The following FBXO38 variants were observed in gnomAD, a reference collection of about 807,000 sequenced individuals.
The protein encoded by FBXO38 is F-box protein 38.
FBXO38 carries 53 observed loss-of-function variants against 131.9 expected under a neutral mutation model. The ratio of observed to expected loss-of-function variants is 0.40; its 90% CI spans 0.32 to 0.51. The LOEUF (loss-of-function observed/expected upper bound fraction) is 0.51, where lower values mean the gene tolerates loss of function less well. Among genes scored for constraint, FBXO38 ranks in the 20% least tolerant of loss-of-function variants. FBXO38 has a pLI of 0.53. For missense variants in FBXO38, 1,076 were observed against 1,475.6 expected (o/e 0.73, Z 4.44); for synonymous variants, 452 against 505.6 (o/e 0.89, Z 1.42).
intron 1 of FBXO38, among the ~76,000 whole-genome samples, chr5:148,392,579 CTTTG>C (rs1381810938): frequency 3.7e-5 from 4 of 107,426 alleles, no homozygotes; most frequent in Non-Finnish European, 6.9e-5. Flanking sequence ...TTTTGCTTTT[CTTTG>C]TGTGTGTGTG....
intron 12 of FBXO38, among the ~76,000 whole-genome samples, chr5:148,418,506 CT>C (rs960206208): frequency 1.3e-5 from 2 of 152,154 alleles, no homozygotes; most frequent in African/African-American, 4.8e-5. Flanking sequence ...TAGGTAAAAT[CT>C]TTCCCCAACC....
At chr5:148,392,323 G>A (rs533611247) in intron 1 of FBXO38, among the ~76,000 whole-genome samples, 1 of 152,184 alleles carries the variant, frequency 6.6e-6, no homozygotes, top group African/African-American at 2.4e-5. Context: ...ATATATTTAG[G>A]ATGATTTCAA....
At chr5:148,415,814 G>A in intron 10 of FBXO38, 114 bp from the exon 11 acceptor site, 1 of 1,117,170 alleles carries the variant, frequency 9.0e-7, no homozygotes, top group Non-Finnish European at 1.3e-6. Flanking sequence ...TGAAAAAAAG[G>A]AAAAGTTATT....
At chr5:148,393,188 G>GGTGTGTGTGTGTGTGTGTGTGTGT (rs60593654) in intron 1 of FBXO38, among the ~76,000 whole-genome samples, 6 of 127,036 alleles carry the variant, frequency 4.7e-5, no homozygotes, top group Admixed American at 1.6e-4. Flanking sequence ...ACAGAAGAGG[G>GGTGTGTGTGTGTGTGTGTGTGTGT]GTGTGTGTGT....
At chr5:148,416,406 G>T (rs1346330416) in intron 11 of FBXO38, among the ~76,000 whole-genome samples, 1 of 152,060 alleles carries the variant, frequency 6.6e-6, no homozygotes, top group Non-Finnish European at 1.5e-5. Flanking sequence ...AATATAATTA[G>T]GTTGGTAGAT....
rs372057615 is a variant in FBXO38 at position 148,440,544 on chromosome 5, G to A, written c.3274+17G>A. 2.0e-6 allele frequency: 3 copies of A among 1,481,390 alleles called. No homozygotes were observed. The highest frequency in any genetic ancestry group is 1.4e-5 in the African/African-American group (1 of 71,738). 91.8% of individuals were successfully genotyped at this position (1,481,390 alleles called of 1,614,324 possible). On this transcript the variant is annotated intron_variant, in intron 20 of 21. Coordinates refer to ENST00000340253, the MANE Select transcript of FBXO38 (RefSeq NM_205836.3). ...CTTTAGAAGGTGAGTATTTACAAATGTTTAGAAAGTTAAATAGCCTGTGCA... is the reference window on the plus strand; with the variant it reads ...CTTTAGAAGGTGAGTATTTACAAATATTTAGAAAGTTAAATAGCCTGTGCA...
chr5:148,413,076 G>A (rs1391365883), intron 9 of FBXO38, among the ~76,000 whole-genome samples: 1 of 152,068 alleles, frequency 6.6e-6, no homozygotes, highest in Non-Finnish European at 1.5e-5. Context: ...AAGGAAAATG[G>A]TAAGTTTCAT....
chr5:148,437,584 A>G (rs1367568789), intron 17 of FBXO38, among the ~76,000 whole-genome samples: 1 of 152,152 alleles, frequency 6.6e-6, no homozygotes, highest in Non-Finnish European at 1.5e-5. Flanking sequence ...GATCTCTCTC[A>G]AGTTGGACCT....
At chr5:148,441,423 G>A (rs1417002777) in intron 21 of FBXO38, 186 bp downstream of exon 21, 1 of 518,160 alleles carries the variant, frequency 1.9e-6, no homozygotes, top group Non-Finnish European at 3.3e-6. Flanking sequence ...GACTTACTAG[G>A]GATATATAAA....
intron 9 of FBXO38, among the ~76,000 whole-genome samples, chr5:148,412,571 A>T (rs1260850426): frequency 3.3e-5 from 5 of 152,136 alleles, no homozygotes; most frequent in Admixed American, 2.0e-4. Flanking sequence ...TATAATACTG[A>T]TAGAGACGTA....
intron 17 of FBXO38, among the ~76,000 whole-genome samples, chr5:148,435,984 C>T (rs1754326604): frequency 6.6e-6 from 1 of 152,162 alleles, no homozygotes; most frequent in Non-Finnish European, 1.5e-5. Context: ...TATATTGGTG[C>T]AGTTTGTGGC....
intron 9 of FBXO38, chr5:148,413,121 A>G (rs2113572704): frequency 6.6e-6 from 1 of 152,324 alleles, no homozygotes; most frequent in South Asian, 2.1e-4. Flanking sequence ...GATCCTTACC[A>G]GGAGCTAAAG....
chr5:148,441,275 A>C, intron 21 of FBXO38, 38 bp downstream of exon 21: 2 of 1,411,634 alleles, frequency 1.4e-6, no homozygotes, highest in Non-Finnish European at 2.0e-6. Flanking sequence ...TCTCTAGTTT[A>C]AGTATAGCCT....
intron 10 of FBXO38, among the ~76,000 whole-genome samples, chr5:148,414,890 C>T (rs191875374): frequency 4.5e-4 from 69 of 152,106 alleles, no homozygotes; most frequent in Admixed American, 6.6e-4. Context: ...TCTTAGATAC[C>T]GAAATTTACA....
At chr5:148,441,918 A>G in intron 21 of FBXO38, 51 bp from the exon 22 acceptor site, 3 of 1,524,366 alleles carry the variant, frequency 2.0e-6, no homozygotes, top group Non-Finnish European at 2.7e-6. Context: ...GTGATTTTCC[A>G]AATGATTCTG....
In FBXO38 at chr5:148,424,009, A is replaced by G; in HGVS notation, c.1630A>G (p.Met544Val). The change falls in exon 13 of 22, where the codon ATG (methionine) becomes GTG (valine). Residue 544 changes from methionine (M) to valine (V), a missense_variant. This residue lies in a region of FBXO38 where 212 missense variants were observed against 221.2 expected (regional missense o/e 0.96). Coordinates refer to ENST00000340253, the MANE Select transcript of FBXO38 (RefSeq NM_205836.3). ...QQFAADALNE[M>V]EDIVQEDGEV... is the part of the protein sequence containing the mutation. ...TATTTTCGTTGAAGCATTAAATGAG[A>G]TGGAAGACATCGTCCAAGAAGATGG... is the stretch of plus-strand genomic sequence containing the variant. 1.2e-6 allele frequency: 2 copies of G among 1,612,478 alleles called. No individual in the cohort carries two copies. The highest frequency in any genetic ancestry group is 1.7e-6 in the Non-Finnish European group (2 of 1,179,326).
At position 148,427,297 on chromosome 5, in the gene FBXO38, G is replaced by A; in HGVS notation, c.2003G>A (p.Ser668Asn). 4 of 1,614,166 alleles carry A rather than the reference G, an allele frequency of 2.5e-6. No homozygotes were observed. Among genetic ancestry groups the A allele is most frequent in the South Asian group, 2.2e-5 (2 of 91,082 alleles). ...TCGAAGCAGTTTCCCCTCGAGGAAA[G>A]CAGCTGTGAGAAAGGCTGTCAGGTC... The part of the protein sequence containing the change: ...GQSKQFPLEE[S>N]SCEKGCQVTS... The change falls in exon 15 of 22, where the codon AGC (serine) becomes AAC (asparagine). Residue 668 changes from serine (S) to asparagine (N), a missense_variant. Ser to Asn is a conservative substitution (Grantham distance 46). This residue lies in a region of FBXO38 where 212 missense variants were observed against 221.2 expected (regional missense o/e 0.96). Transcript: ENST00000340253.
At chr5:148,441,037 TA>T in intron 20 of FBXO38, 86 bp from the exon 21 acceptor site, 1 of 866,098 alleles carries the variant, frequency 1.2e-6, no homozygotes, top group Admixed American at 1.8e-5. Flanking sequence ...CTTTATTTTA[TA>T]TTTTACATTC....
At chr5:148,401,893 T>C in intron 3 of FBXO38, 89 bp from the exon 4 acceptor site, 1 of 1,313,522 alleles carries the variant, frequency 7.6e-7, no homozygotes, top group Non-Finnish European at 1.0e-6. Context: ...AGGAAGTCTT[T>C]TTTAACTTTT....
Sources: gnomAD v4.1 joint callset for allele counts (sites outside exome capture counted in the v4.1 genomes callset) on GRCh38, gnomAD v4.1.1 for gene constraint, gnomAD v4.1.1 regional missense constraint, MANE v1.5 for transcripts, NCBI Gene and HGNC (gene_info 2026-07-23, HGNC 2026-07-21) for gene names.